The following ATRN variants were observed in gnomAD, a reference collection of about 807,000 sequenced individuals.
ATRN encodes the protein attractin-2.
A neutral mutation model predicts 178.7 loss-of-function variants in ATRN; 54 were observed. The observed-to-expected ratio is 0.30, with a 90% CI of 0.24 to 0.38. The LOEUF is 0.38. Ranked by LOEUF, ATRN falls within the 10% of genes least tolerant of loss-of-function variation. ATRN has a pLI of 1.00. For missense variants in ATRN, 1,443 were observed against 1,815.1 expected (o/e 0.79, Z 3.73); for synonymous variants, 636 against 663.0 (o/e 0.96, Z 0.63).
chr20:3,601,000 A>G lies in ATRN; in HGVS notation c.3619A>G (p.Ile1207Val). ...INASKNFNLN[I>V]TWAASFSAGT... is the part of the protein sequence containing the mutation. ...TGCCTCCAAGAATTTCAACCTCAAC[A>G]TCACCTGGGCTGCCAGTTTCTCAGG... The change falls in exon 23 of 29, where the codon ATC becomes GTC. Residue 1207 changes from isoleucine to valine, a missense_variant. By Grantham distance (29) the Ile-to-Val change is conservative. Transcript: ENST00000262919. 1 of 1,613,830 alleles carries G rather than the reference A, an allele frequency of 6.2e-7. No individual in the cohort carries two copies. The highest frequency in any genetic ancestry group is 8.5e-7 in the Non-Finnish European group (1 of 1,179,768).
At chr20:3,603,388 T>C (rs982854680) in intron 23 of ATRN, among the ~76,000 whole-genome samples, 8 of 152,142 alleles carry the variant, frequency 5.3e-5, no homozygotes, top group African/African-American at 1.9e-4. Flanking sequence ...AATAGGATTC[T>C]AGTGGTATCT....
intron 25 of ATRN, among the ~76,000 whole-genome samples, chr20:3,627,496 T>TAG (rs1170609981): frequency 1.3e-5 from 2 of 152,152 alleles, no homozygotes; most frequent in Non-Finnish European, 2.9e-5. Context: ...AGAAGTACAG[T>TAG]AGAGAGGATC....
chr20:3,526,635 C>G (rs1331968678), intron 1 of ATRN, among the ~76,000 whole-genome samples: 1 of 152,048 alleles, frequency 6.6e-6, no homozygotes, highest in Non-Finnish European at 1.5e-5. Flanking sequence ...CAAGACAGCC[C>G]CAAGCAAAAA....
chr20:3,516,188 T>A (rs543711404), intron 1 of ATRN, among the ~76,000 whole-genome samples: 1 of 152,260 alleles, frequency 6.6e-6, no homozygotes, highest in East Asian at 1.9e-4. Context: ...GTGTAAAAAG[T>A]GAATTGACCA....
rs1168977983 is a variant in ATRN, at chr20:3,644,265, T to C, written c.4162T>C (p.Ser1388Pro). ...GGGTGGCATCCCTCCTCCTGGGCAGTCAGGTGAGTAGATGCGGTCCAGCGA... is the reference window on the plus strand; with the variant it reads ...GGGTGGCATCCCTCCTCCTGGGCAGCCAGGTGAGTAGATGCGGTCCAGCGA... The part of the protein sequence containing the change: ...GLGGIPPPGQ[S>P]GLAVASALVD... Residue 1388 changes from serine (S) to proline (P), a missense_variant, in exon 28 of 29, where the codon TCA becomes CCA. Ser to Pro is a moderately conservative substitution (Grantham distance 74). Transcript: ENST00000262919. The C allele has an allele frequency of 3.1e-6, 5 of 1,609,880 alleles. No homozygotes were observed. The highest frequency in any genetic ancestry group is 1.3e-5 in the African/African-American group (1 of 74,912).
Position 3,611,324 on chromosome 20 carries a change from T to C in ATRN, c.3801+7062T>C, listed in dbSNP as rs572515746. ...ACTTGAATCTAGAATATAATAACTC[T>C]CAAAACTCAACAGTAAACAAACGAA... On this transcript the variant is annotated intron_variant, in intron 24 of 28. Transcript: ENST00000262919. 5.3e-5 allele frequency among the ~76,000 whole-genome samples: 8 copies of C among 152,180 alleles called. No homozygotes were observed. The East Asian group carries it at 1.5e-3, about 29-fold the overall frequency.
chr20:3,604,992 T>C (rs2086659408), intron 24 of ATRN, among the ~76,000 whole-genome samples: 1 of 152,202 alleles, frequency 6.6e-6, no homozygotes, highest in South Asian at 2.1e-4. Context: ...GCTTCTTACC[T>C]TCTTCATTTA....
rs572479411 is a variant in ATRN, at chr20:3,586,446, T to G, written c.3184+1566T>G. ...ATGAAGAATAATAGGCATGAGGTTT[T>G]CTAGAGTAGCTGCAGCATTATTTTC... On this transcript the variant is annotated intron_variant, in intron 18 of 28. Transcript: ENST00000262919. Among the ~76,000 whole-genome samples the G allele has an allele frequency of 2.0e-5, 3 of 148,904 alleles. No homozygotes were observed. The East Asian group carries it at 6.0e-4, about 30-fold the overall frequency.
intron 1 of ATRN, chr20:3,489,974 T>G: frequency 9.9e-7 from 1 of 1,007,840 alleles, no homozygotes; most frequent in Non-Finnish European, 1.6e-6. Flanking sequence ...CTCCTGTCCT[T>G]GCTTGCTTGC....
Position 3,645,090 on chromosome 20 carries a change from TAC to T in ATRN, c.4165+824_4165+825del, listed in dbSNP as rs2087097920. The stretch of plus-strand genomic sequence containing the variant: ...CAGTTTTGAAAGTATCTCGCTTAAT[TAC>T]AGAGTGCTTTGGAGGATGCCTCAAT... On this transcript the variant is annotated intron_variant, in intron 28 of 28. Transcript: ENST00000262919. The surrounding 1 kb of genome is among the most constrained non-coding windows in gnomAD (Gnocchi z 4.7). Among the ~76,000 whole-genome samples, 1 of 152,220 alleles carries T rather than the reference TAC, an allele frequency of 6.6e-6. No individual in the cohort carries two copies. Among genetic ancestry groups the T allele is most frequent in the Non-Finnish European group, 1.5e-5 (1 of 68,042 alleles).
In ATRN at chr20:3,632,513, G is replaced by T. The variant is rs1051195510; in HGVS notation, c.3864-1798G>T. Among the ~76,000 whole-genome samples, 8 of 152,072 alleles carry T rather than the reference G, an allele frequency of 5.3e-5. No individual in the cohort carries two copies. The highest frequency in any genetic ancestry group is 3.9e-4 in the Admixed American group (6 of 15,264). The stretch of plus-strand genomic sequence containing the variant: ...CCTTGCCTCGGGCTTTGCACTGACT[G>T]CTCCTTTTTCCAGATGCACTTTTGC... On this transcript the variant is annotated intron_variant, in intron 25 of 28. Coordinates refer to ENST00000262919, the MANE Select transcript of ATRN (RefSeq NM_139321.3). The surrounding 1 kb of genome is among the most constrained non-coding windows in gnomAD (Gnocchi z 4.2).
intron 7 of ATRN, among the ~76,000 whole-genome samples, chr20:3,559,946 T>C (rs982684212): frequency 3.9e-5 from 6 of 152,124 alleles, no homozygotes; most frequent in Non-Finnish European, 7.3e-5. Context: ...AAAATATGAT[T>C]AGTTTTATTT....
At chr20:3,513,823 G>A (rs2085169888) in intron 1 of ATRN, among the ~76,000 whole-genome samples, 1 of 152,100 alleles carries the variant, frequency 6.6e-6, no homozygotes, top group Admixed American at 6.6e-5. Context: ...CTTGTAAGTT[G>A]GATTCCTAGG....
chr20:3,600,047 G>A (rs1031808117), intron 22 of ATRN, among the ~76,000 whole-genome samples: 4 of 152,034 alleles, frequency 2.6e-5, no homozygotes, highest in Admixed American at 6.6e-5. Context: ...CAGTACAGTC[G>A]GATGCATCTG....
At position 3,600,934 on chromosome 20, in the gene ATRN, A is replaced by G. The variant is rs780054887; in HGVS notation, c.3565-12A>G. The G allele has an allele frequency of 6.2e-7, 1 of 1,607,440 alleles. No homozygotes were observed. The highest frequency in any genetic ancestry group is 2.2e-5 in the East Asian group (1 of 44,832). On this transcript the variant is annotated splice_polypyrimidine_tract_variant and intron_variant, in intron 22 of 28. Coordinates refer to ENST00000262919, the MANE Select transcript of ATRN (RefSeq NM_139321.3). ...TTTAATTAATTTTCTAATAATTTGT[A>G]CCGCTCATCAGCAAAACAGGGATTT... is the stretch of plus-strand genomic sequence containing the variant.
chr20:3,491,545 A>G (rs2084794029), intron 1 of ATRN, among the ~76,000 whole-genome samples: 1 of 152,190 alleles, frequency 6.6e-6, no homozygotes, highest in Non-Finnish European at 1.5e-5. Context: ...CTTGCTGTGC[A>G]TCTGCACTCA....
intron 1 of ATRN, among the ~76,000 whole-genome samples, chr20:3,515,907 G>A (rs1228585077): frequency 6.6e-6 from 1 of 152,196 alleles, no homozygotes; most frequent in Non-Finnish European, 1.5e-5. Context: ...AACTAGAGGA[G>A]AGGCATAGTA....
intron 24 of ATRN, among the ~76,000 whole-genome samples, chr20:3,608,178 GT>G (rs2086703516): frequency 1.3e-5 from 2 of 152,060 alleles, no homozygotes; most frequent in Non-Finnish European, 2.9e-5. Context: ...TCACTCTCTT[GT>G]TTCCTTTGCT....
chr20:3,517,207 A>G, intron 1 of ATRN, among the ~76,000 whole-genome samples: 1 of 152,226 alleles, frequency 6.6e-6, no homozygotes, highest in Non-Finnish European at 1.5e-5. Flanking sequence ...GAGTTTTAAA[A>G]GTTATGCCAT....
Sources: allele counts gnomAD v4.1 joint callset (sites outside exome capture counted in the v4.1 genomes callset), GRCh38; gene constraint gnomAD v4.1.1; non-coding constraint Gnocchi (gnomAD v3.1); transcripts MANE v1.5; gene names NCBI Gene and HGNC (gene_info 2026-07-23, HGNC 2026-07-21).